The following PIP5K1C variants were observed in gnomAD, a reference collection of about 807,000 sequenced individuals.
The protein encoded by PIP5K1C is phosphatidylinositol 4-phosphate 5-kinase type-1 gamma.
In PIP5K1C, 45 loss-of-function variants were observed where a neutral mutation model predicts 80.1. The observed-to-expected ratio is 0.56, with a 90% CI of 0.44 to 0.72. The LOEUF (loss-of-function observed/expected upper bound fraction) is 0.72, where lower values mean the gene tolerates loss of function less well. Ranked by LOEUF, PIP5K1C falls within the 30% of genes least tolerant of loss-of-function variation. PIP5K1C has a pLI of 0.00. For synonymous variants in PIP5K1C, 498 were observed against 420.1 expected (o/e 1.19, Z -2.27); for missense variants, 753 against 954.6 (o/e 0.79, Z 2.78).
At chr19:3,693,257 C>CA (rs2035997966) in intron 1 of PIP5K1C, among the ~76,000 whole-genome samples, 1 of 152,160 alleles carries the variant, frequency 6.6e-6, no homozygotes, top group South Asian at 2.1e-4. Flanking sequence ...AGGCATGAGG[C>CA]ATTTCAGTGG....
At chr19:3,668,684 A>T (rs1371538211) in intron 1 of PIP5K1C, among the ~76,000 whole-genome samples, 1 of 152,122 alleles carries the variant, frequency 6.6e-6, no homozygotes, top group East Asian at 1.9e-4. Flanking sequence ...CCTGGGGAAG[A>T]CCTGGTCTCG....
intron 1 of PIP5K1C, among the ~76,000 whole-genome samples, chr19:3,676,409 G>T (rs2035361801): frequency 6.6e-6 from 1 of 152,262 alleles, no homozygotes; most frequent in Admixed American, 6.5e-5. Flanking sequence ...GCCCTGCGGT[G>T]TTTGGGTTCG....
rs764544323 is a variant in PIP5K1C at position 3,692,653 on chromosome 19, C to A, written c.94+7644G>T. On this transcript the variant is annotated intron_variant, in intron 1 of 17. Coordinates refer to ENST00000335312, the MANE Select transcript of PIP5K1C (RefSeq NM_012398.3). This position sits in a 1 kb window ranked among gnomAD's most constrained non-coding sequence, Gnocchi z 5.2. ...CCTGGTTCCCCTAGCCCACGTCCCGCCCTCACCCCATCTGTCCTCCCCACA... is the reference window on the plus strand; with the variant it reads ...CCTGGTTCCCCTAGCCCACGTCCCGACCTCACCCCATCTGTCCTCCCCACA... 6.6e-6 allele frequency among the ~76,000 whole-genome samples: 1 copy of A among 152,048 alleles called. No individual in the cohort carries two copies. Among genetic ancestry groups the A allele is most frequent in the Admixed American group, 6.6e-5 (1 of 15,264 alleles).
intron 1 of PIP5K1C, among the ~76,000 whole-genome samples, chr19:3,674,554 C>T (rs1251334675): frequency 6.6e-6 from 1 of 152,042 alleles, no homozygotes; most frequent in African/African-American, 2.4e-5. Flanking sequence ...CAGCCTCCCC[C>T]GAGTAGCTGC....
At position 3,630,601 on chromosome 19, in the gene PIP5K1C, G is replaced by C. The variant is rs1257930964; in HGVS notation, c.*2566C>G. The C allele has an allele frequency of 1.3e-5, 2 of 152,610 alleles. No individual in the cohort carries two copies. Among genetic ancestry groups the C allele is most frequent in the African/African-American group, 4.8e-5 (2 of 41,422 alleles). The allele number at this position is 152,610 out of a possible 1,614,324, so 9.5% of individuals were successfully genotyped here. On this transcript the variant is annotated 3_prime_UTR_variant, in exon 18 of 18. Transcript: ENST00000335312. ...ATGGTGAAGGACCCCATGGCAATGG[G>C]AGTATTGCACTGAGCCAGGTTTCGG...
intron 1 of PIP5K1C, among the ~76,000 whole-genome samples, chr19:3,686,545 C>A (rs1233193023): frequency 6.7e-6 from 1 of 148,964 alleles, no homozygotes; most frequent in Admixed American, 6.7e-5. Flanking sequence ...ATGGAGAAAC[C>A]CCGTCTCTAC....
At chr19:3,647,262 G>C (rs71339196) in intron 10 of PIP5K1C, 76 bp downstream of exon 10, 1 of 1,297,964 alleles carries the variant, frequency 7.7e-7, no homozygotes, top group Non-Finnish European at 1.1e-6. Flanking sequence ...AGGGAGGAGG[G>C]ATGGGAGGAG....
At chr19:3,700,198 G>T in intron 1 of PIP5K1C, 99 bp downstream of exon 1, 1 of 649,994 alleles carries the variant, frequency 1.5e-6, no homozygotes, top group Non-Finnish European at 2.0e-6. Flanking sequence ...CGGCGCCCCC[G>T]CAGCGACCGT....
Position 3,664,931 on chromosome 19 carries a change from G to C in PIP5K1C, c.127-17C>G. 6.2e-7 allele frequency: 1 copy of C among 1,600,082 alleles called. No homozygotes were observed. Among genetic ancestry groups the C allele is most frequent in the African/African-American group, 1.3e-5 (1 of 74,826 alleles). On this transcript the variant is annotated splice_polypyrimidine_tract_variant and intron_variant, in intron 2 of 17. Transcript: ENST00000335312. ...GGACAGAACCTGGGAAGAGGAAGCA[G>C]GAAGCGTTAACTCCCTAAGGAGCAC...
Position 3,646,071 on chromosome 19 carries a change from TGG to T in PIP5K1C, c.1261-15_1261-14del. The T allele has an allele frequency of 2.3e-6, 3 of 1,309,026 alleles. No homozygotes were observed. Among genetic ancestry groups the T allele is most frequent in the Non-Finnish European group, 3.1e-6 (3 of 961,608 alleles). 81.1% of individuals were successfully genotyped at this position (1,309,026 alleles called of 1,614,324 possible). A position where few individuals can be genotyped will look rare whatever the true frequency, so the allele number is the denominator to read the frequency against. Reference sequence around the variant, plus strand: ...CGGACACCGTGTCCTGGAAGAGAGTTGGGGGGGGTGCCCGGGGGCAGAGGGTG... The same window carrying T: ...CGGACACCGTGTCCTGGAAGAGAGTTGGGGGGTGCCCGGGGGCAGAGGGTG... On this transcript the variant is annotated splice_polypyrimidine_tract_variant and intron_variant, in intron 10 of 17. Coordinates refer to ENST00000335312, the MANE Select transcript of PIP5K1C (RefSeq NM_012398.3).
intron 1 of PIP5K1C, among the ~76,000 whole-genome samples, chr19:3,676,709 T>C (rs2035370651): frequency 6.6e-6 from 1 of 152,104 alleles, no homozygotes; most frequent in Non-Finnish European, 1.5e-5. Flanking sequence ...TGTGATCCCA[T>C]CTCCGAATCC....
Position 3,693,979 on chromosome 19 carries a change from G to A in PIP5K1C, c.94+6318C>T, listed in dbSNP as rs544119922. On this transcript the variant is annotated intron_variant, in intron 1 of 17. Coordinates refer to ENST00000335312, the MANE Select transcript of PIP5K1C (RefSeq NM_012398.3). Reference sequence around the variant, plus strand: ...TGTAATCCCAGCACTTTGGGAGGCTGAGGCGGGCGGATCACCAGGTCAGGA... The same window carrying A: ...TGTAATCCCAGCACTTTGGGAGGCTAAGGCGGGCGGATCACCAGGTCAGGA... 5.9e-5 allele frequency among the ~76,000 whole-genome samples: 9 copies of A among 152,016 alleles called. No homozygotes were observed. The East Asian group carries it at 1.7e-3, about 29-fold the overall frequency.
rs746794144 is a variant in PIP5K1C, at chr19:3,662,018, G to C, written c.220-17C>G. 1 of 1,576,308 alleles carries C rather than the reference G, an allele frequency of 6.3e-7. No homozygotes were observed. On this transcript the variant is annotated splice_polypyrimidine_tract_variant and intron_variant, in intron 3 of 17. Transcript: ENST00000335312. ...GGAGGTGGTCTGCAGGGAGACCAGA[G>C]TGTCAGGGCCCCCGGCTGCTCCCCA...
chr19:3,680,396 C>T (rs1011873635), intron 1 of PIP5K1C, among the ~76,000 whole-genome samples: 52 of 152,316 alleles, frequency 3.4e-4, no homozygotes, highest in African/African-American at 1.2e-3. Flanking sequence ...CCTCCGCCTC[C>T]CAGGTTCATA....
rs200246797 is a variant in PIP5K1C at position 3,633,464 on chromosome 19, G to C, written c.1977C>G (p.Pro659=). 2.3e-5 allele frequency: 34 copies of C among 1,509,184 alleles called. No individual in the cohort carries two copies. The East Asian group carries it at 5.1e-4, about 23-fold the overall frequency. The allele number at this position is 1,509,184 out of a possible 1,614,324, so 93.5% of individuals were successfully genotyped here. The change falls in exon 17 of 18, where the codon CCC becomes CCG. Residue 659 remains proline, a synonymous_variant. Transcript: ENST00000335312. Reference sequence around the variant, plus strand: ...TGTCGCTCTCGCCGTCGGAGGCCGGGGGGGCCTGGGCGCTATAGTGGAGCG... The same window carrying C: ...TGTCGCTCTCGCCGTCGGAGGCCGGCGGGGCCTGGGCGCTATAGTGGAGCG... ...YSPLHYSAQA[P]PASDGESDT is the part of the protein sequence containing the mutation.
chr19:3,686,060 C>T (rs1304471703), intron 1 of PIP5K1C, among the ~76,000 whole-genome samples: 2 of 151,872 alleles, frequency 1.3e-5, no homozygotes, highest in African/African-American at 4.8e-5. Flanking sequence ...GCGTTGTTGC[C>T]GAGGCTGGTC....
intron 1 of PIP5K1C, among the ~76,000 whole-genome samples, chr19:3,697,672 G>T (rs1275730485): frequency 3.3e-5 from 5 of 152,144 alleles, no homozygotes; most frequent in Non-Finnish European, 5.9e-5. Flanking sequence ...ACCTTTCCAG[G>T]GCATCACAGA....
Position 3,633,605 on chromosome 19 carries a change from CAGG to C in PIP5K1C, c.1921-88_1921-86del, listed in dbSNP as rs2033544924. On this transcript the variant is annotated intron_variant, in intron 16 of 17. Coordinates refer to ENST00000335312, the MANE Select transcript of PIP5K1C (RefSeq NM_012398.3). ...AGAGGCAGAGGGAGGAAGGAAGAGA[CAGG>C]AGAACATAAAAGAGGCGAATCCCCC... 5.4e-6 allele frequency: 5 copies of C among 926,400 alleles called. No homozygotes were observed. In the Admixed American group the frequency reaches 1.0e-4, roughly 19 times the overall value. The allele number at this position is 926,400 out of a possible 1,614,324, so 57.4% of individuals were successfully genotyped here.
chr19:3,678,963 G>A (rs1297495787), intron 1 of PIP5K1C, among the ~76,000 whole-genome samples: 13 of 149,490 alleles, frequency 8.7e-5, no homozygotes, highest in South Asian at 4.3e-4. Context: ...AGGGATGGAG[G>A]ATGAAGGGAT....
Sources: allele counts gnomAD v4.1 joint callset (sites outside exome capture counted in the v4.1 genomes callset), GRCh38; gene constraint gnomAD v4.1.1; non-coding constraint Gnocchi (gnomAD v3.1); transcripts MANE v1.5; gene names NCBI Gene and HGNC (gene_info 2026-07-23, HGNC 2026-07-21).